SYT9: variants seen among roughly 807,000 people sequenced by gnomAD.
SYT9 encodes the protein synaptotagmin-9.
SYT9 carries 22 observed loss-of-function variants against 48.4 expected under a neutral mutation model. That is an observed-to-expected ratio of 0.45 (90% CI 0.32 to 0.65). The LOEUF (loss-of-function observed/expected upper bound fraction) is 0.65, where lower values mean the gene tolerates loss of function less well. Ranked by LOEUF, SYT9 falls within the 30% of genes least tolerant of loss-of-function variation. The probability of loss-of-function intolerance (pLI) is 0.03; values close to 1 mark genes in which losing one functional copy is unlikely to be tolerated. For synonymous variants in SYT9, 265 were observed against 245.0 expected, an observed-to-expected ratio of 1.08 and a Z score of -0.76; for missense variants, 577 against 622.0, an observed-to-expected ratio of 0.93 and a Z score of 0.77.
chr11:7,340,977 G>C (rs1849703053), intron 3 of SYT9, among the ~76,000 whole-genome samples: 1 of 152,202 alleles, frequency 6.6e-6, no homozygotes. Context: ...GCACCTGAAA[G>C]TATCAACAGT....
intron 3 of SYT9, among the ~76,000 whole-genome samples, chr11:7,387,662 C>T (rs1284416899): frequency 1.3e-5 from 2 of 151,912 alleles, no homozygotes; most frequent in Non-Finnish European, 2.9e-5. Context: ...CAACATTTCA[C>T]TATTAAATAC....
chr11:7,356,352 G>A (rs1048721535), intron 3 of SYT9, among the ~76,000 whole-genome samples: 2 of 152,202 alleles, frequency 1.3e-5, no homozygotes, highest in African/African-American at 2.4e-5. Flanking sequence ...TGGGTGAAAT[G>A]ACTACTCCTG....
chr11:7,418,868 T>C (rs1847299434), intron 5 of SYT9, among the ~76,000 whole-genome samples: 1 of 152,142 alleles, frequency 6.6e-6, no homozygotes, highest in Non-Finnish European at 1.5e-5. Flanking sequence ...AAATGCAAAG[T>C]CTCTCTTTAA....
intron 3 of SYT9, among the ~76,000 whole-genome samples, chr11:7,383,743 A>G (rs1850607601): frequency 6.6e-6 from 1 of 152,206 alleles, no homozygotes; most frequent in African/African-American, 2.4e-5. Flanking sequence ...ATGCGAACAG[A>G]AAATTGAGAA....
chr11:7,339,796 T>G (rs1849684561), intron 3 of SYT9, among the ~76,000 whole-genome samples: 1 of 152,176 alleles, frequency 6.6e-6, no homozygotes, highest in African/African-American at 2.4e-5. Flanking sequence ...CATTCTTTCT[T>G]TCATTTCAAC....
At chr11:7,311,338 C>A (rs1330249306) in intron 2 of SYT9, among the ~76,000 whole-genome samples, 1 of 152,096 alleles carries the variant, frequency 6.6e-6, no homozygotes, top group Non-Finnish European at 1.5e-5. Context: ...AAAGCAAAAC[C>A]ACTATGGTAG....
At chr11:7,464,168 C>A (rs917578100) in intron 6 of SYT9, among the ~76,000 whole-genome samples, 1 of 152,204 alleles carries the variant, frequency 6.6e-6, no homozygotes, top group African/African-American at 2.4e-5. Context: ...GTGCACAGAA[C>A]TGTGGGGGCA....
chr11:7,304,438 C>G (rs533887156), intron 2 of SYT9, among the ~76,000 whole-genome samples: 1 of 152,188 alleles, frequency 6.6e-6, no homozygotes, highest in Admixed American at 6.5e-5. Flanking sequence ...AGAGAAATAG[C>G]ATGTGCTGTT....
intron 1 of SYT9, among the ~76,000 whole-genome samples, chr11:7,284,525 A>G (rs1165034688): frequency 4.6e-5 from 7 of 152,180 alleles, no homozygotes; most frequent in South Asian, 2.1e-4. Context: ...TTCTCTTAGT[A>G]TATTAAAGGG....
chr11:7,429,590 A>G (rs1847527677), intron 6 of SYT9, among the ~76,000 whole-genome samples: 2 of 152,168 alleles, frequency 1.3e-5, no homozygotes, highest in African/African-American at 4.8e-5. Flanking sequence ...TTTTATTTGA[A>G]ATGAAAAACA....
chr11:7,380,821 C>T (rs1375142310), intron 3 of SYT9, among the ~76,000 whole-genome samples: 1 of 152,058 alleles, frequency 6.6e-6, no homozygotes, highest in Non-Finnish European at 1.5e-5. Flanking sequence ...CTTTTATTTT[C>T]ACATGCATTA....
chr11:7,252,876 C>T lies in SYT9; in HGVS notation c.145+545C>T, dbSNP rs1459373785. On this transcript the variant is annotated intron_variant, in intron 1 of 6. Transcript: ENST00000318881. The surrounding 1 kb of genome is among the most constrained non-coding windows in gnomAD (Gnocchi z 6.3). ...CCGGCGTTGGGCCGGGGACAGGGTGCTTCTGGCCTTGGGCAGACGGGCCTG... is the reference window on the plus strand; with the variant it reads ...CCGGCGTTGGGCCGGGGACAGGGTGTTTCTGGCCTTGGGCAGACGGGCCTG... Among the ~76,000 whole-genome samples, 4 of 152,206 alleles carry T rather than the reference C, an allele frequency of 2.6e-5. No individual in the cohort carries two copies. Among genetic ancestry groups the T allele is most frequent in the Admixed American group, 2.0e-4 (3 of 15,288 alleles).
Position 7,448,467 on chromosome 11 carries a change from G to A in SYT9, c.1468-18325G>A, listed in dbSNP as rs546882348. 1.9e-4 allele frequency among the ~76,000 whole-genome samples: 29 copies of A among 152,328 alleles called. 1 individual carries two copies. In the South Asian group the frequency reaches 5.6e-3, roughly 29 times the overall value. On this transcript the variant is annotated intron_variant, in intron 6 of 6. Transcript: ENST00000318881. ...TGCGGCTCGCCTCAAGGCGGAACGGGGTAGCAGCACACACCTCCTGTTCCA... is the reference window on the plus strand; with the variant it reads ...TGCGGCTCGCCTCAAGGCGGAACGGAGTAGCAGCACACACCTCCTGTTCCA...
intron 1 of SYT9, among the ~76,000 whole-genome samples, chr11:7,284,011 T>C (rs1848552753): frequency 6.6e-6 from 1 of 152,206 alleles, no homozygotes; most frequent in Non-Finnish European, 1.5e-5. Flanking sequence ...CCATCAATTA[T>C]TCAAAATCTT....
chr11:7,343,799 G>A (rs543075925), intron 3 of SYT9, among the ~76,000 whole-genome samples: 3 of 152,204 alleles, frequency 2.0e-5, no homozygotes, highest in Non-Finnish European at 4.4e-5. Flanking sequence ...AAGAAAAAGA[G>A]GTTTAATGGA....
intron 3 of SYT9, among the ~76,000 whole-genome samples, chr11:7,392,261 A>G (rs1433132886): frequency 6.6e-6 from 1 of 152,074 alleles, no homozygotes; most frequent in Admixed American, 6.6e-5. Context: ...AATCTTTAAT[A>G]TATTTTGAGT....
intron 6 of SYT9, among the ~76,000 whole-genome samples, chr11:7,462,234 G>A (rs1848250205): frequency 6.6e-6 from 1 of 152,150 alleles, no homozygotes; most frequent in Non-Finnish European, 1.5e-5. Context: ...TTCAGACTCA[G>A]TTACCTCACT....
At chr11:7,260,418 G>T (rs1848057351) in intron 1 of SYT9, among the ~76,000 whole-genome samples, 2 of 152,124 alleles carry the variant, frequency 1.3e-5, no homozygotes, top group South Asian at 4.1e-4. Context: ...TGGATCCTGG[G>T]TAACAGTAAG....
intron 1 of SYT9, among the ~76,000 whole-genome samples, chr11:7,254,831 G>T (rs1443508199): frequency 6.6e-6 from 1 of 152,144 alleles, no homozygotes; most frequent in Non-Finnish European, 1.5e-5. Flanking sequence ...AAGTGACCCT[G>T]CATCTAGGAA....
Sources: gnomAD v4.1 joint callset for allele counts (sites outside exome capture counted in the v4.1 genomes callset) on GRCh38, gnomAD v4.1.1 for gene constraint, Gnocchi (gnomAD v3.1) non-coding constraint, MANE v1.5 for transcripts, NCBI Gene and HGNC (gene_info 2026-07-23, HGNC 2026-07-21) for gene names.